LMTK2: variants seen among roughly 807,000 people sequenced by gnomAD.
LMTK2 encodes serine/threonine-protein kinase LMTK2.
LMTK2 carries 37 observed loss-of-function variants against 127.5 expected under a neutral mutation model. The ratio of observed to expected loss-of-function variants is 0.29; its 90% CI spans 0.22 to 0.38. The LOEUF (loss-of-function observed/expected upper bound fraction) is 0.38, where lower values mean the gene tolerates loss of function less well. Ranked by LOEUF, LMTK2 falls within the 10% of genes least tolerant of loss-of-function variation. The probability of loss-of-function intolerance (pLI) is 1.00; values close to 1 mark genes in which losing one functional copy is unlikely to be tolerated. For synonymous variants in LMTK2, 819 were observed against 810.1 expected, an observed-to-expected ratio of 1.01 and a Z score of -0.19; for missense variants, 1,694 against 1,920.3, an observed-to-expected ratio of 0.88 and a Z score of 2.20.
rs372035752 is a variant in LMTK2 at position 98,158,976 on chromosome 7, T to G, written c.570-362T>G. The stretch of plus-strand genomic sequence containing the variant: ...GGCCAGCTGAGGTGGCAGGATCACT[T>G]GAGCCCAGGAGTTGGAGGCTGCAGT... On this transcript the variant is annotated intron_variant, in intron 5 of 13. Transcript: ENST00000297293. Among the ~76,000 whole-genome samples, 506 of 152,304 alleles carry G rather than the reference T, an allele frequency of 3.3e-3. 1 individual carries two copies. The highest frequency in any genetic ancestry group is 0.012 in the African/African-American group (487 of 41,552).
chr7:98,109,863 G>A (rs1207340492), intron 1 of LMTK2, among the ~76,000 whole-genome samples: 3 of 151,496 alleles, frequency 2.0e-5, no homozygotes, highest in Middle Eastern at 3.2e-3. Context: ...TCTTGACCAA[G>A]ATATATTAGA....
chr7:98,199,701 G>T (rs867878573), intron 11 of LMTK2, among the ~76,000 whole-genome samples: 10 of 152,094 alleles, frequency 6.6e-5, no homozygotes, highest in African/African-American at 1.9e-4. Context: ...CACCATGTTG[G>T]CCAGGCTGGT....
At chr7:98,172,720 T>A (rs954345979) in intron 7 of LMTK2, among the ~76,000 whole-genome samples, 1 of 151,734 alleles carries the variant, frequency 6.6e-6, no homozygotes, top group Non-Finnish European at 1.5e-5. Flanking sequence ...CTGTGTGTCT[T>A]GACTTGAAGA....
At chr7:98,159,736 T>C (rs1357882519) in intron 6 of LMTK2, among the ~76,000 whole-genome samples, 1 of 151,856 alleles carries the variant, frequency 6.6e-6, no homozygotes, top group African/African-American at 2.4e-5. Context: ...GTGGATCAAG[T>C]GTGTAGCACA....
At chr7:98,166,462 T>A (rs1797102507) in intron 6 of LMTK2, among the ~76,000 whole-genome samples, 3 of 152,252 alleles carry the variant, frequency 2.0e-5, no homozygotes. Context: ...AAAATATTTT[T>A]GTACAACTGT....
Position 98,194,200 on chromosome 7 carries a change from G to A in LMTK2, c.3735G>A (p.Lys1245=), listed in dbSNP as rs1797589503. 6 of 1,614,002 alleles carry A rather than the reference G, an allele frequency of 3.7e-6. No homozygotes were observed. The highest frequency in any genetic ancestry group is 1.3e-5 in the African/African-American group (1 of 75,062). Residue 1245 remains lysine, a synonymous_variant, in exon 11 of 14, where the codon AAG becomes AAA. Transcript: ENST00000297293. This position sits in a 1 kb window ranked among gnomAD's most constrained non-coding sequence, Gnocchi z 5.4. ...CCTACACCAATTCTGCGCTGGACAAGTCCCTGTCCAGCCACTCCGAGGGCC... is the reference window on the plus strand; with the variant it reads ...CCTACACCAATTCTGCGCTGGACAAATCCCTGTCCAGCCACTCCGAGGGCC... The part of the protein sequence containing the change: ...LLAYTNSALD[K]SLSSHSEGPK...
intron 1 of LMTK2, among the ~76,000 whole-genome samples, chr7:98,108,146 G>T (rs1227112861): frequency 6.6e-6 from 1 of 152,138 alleles, no homozygotes; most frequent in African/African-American, 2.4e-5. Context: ...AGTTAGAAGA[G>T]ACCTTAAAGA....
chr7:98,165,810 T>C (rs1797088358), intron 6 of LMTK2, among the ~76,000 whole-genome samples: 1 of 151,910 alleles, frequency 6.6e-6, no homozygotes, highest in Admixed American at 6.6e-5. Context: ...TCGTTGCCCC[T>C]AAGGAGCTCA....
chr7:98,173,306 GT>G (rs34546502), intron 7 of LMTK2, among the ~76,000 whole-genome samples: 8,926 of 142,490 alleles, frequency 0.063, 597 homozygotes, highest in East Asian at 0.35. Flanking sequence ...CTGGTAAAGT[GT>G]TTTTTTTTTT....
intron 7 of LMTK2, among the ~76,000 whole-genome samples, chr7:98,175,573 A>G (rs1045697634): frequency 3.9e-5 from 6 of 152,236 alleles, no homozygotes; most frequent in African/African-American, 1.4e-4. Context: ...TGGTTTAGAA[A>G]GAGAAGGCAC....
At chr7:98,115,472 C>A (rs7800032) in intron 1 of LMTK2, among the ~76,000 whole-genome samples, 150,623 of 152,154 alleles carry the variant, frequency 0.99, 74,574 homozygotes, top group Middle Eastern at 1. Context: ...GAAGGGAGGG[C>A]GGGAGAGAGG....
Position 98,137,374 on chromosome 7 carries a change from TTAA to T in LMTK2, c.169_171del (p.Ile57del). 1.2e-6 allele frequency: 2 copies of T among 1,613,868 alleles called. No individual in the cohort carries two copies. The highest frequency in any genetic ancestry group is 1.7e-6 in the Non-Finnish European group (2 of 1,179,832). On this transcript the variant is annotated inframe_deletion, in exon 2 of 14. Transcript: ENST00000297293. The stretch of plus-strand genomic sequence containing the variant: ...TTTTGTGATCCTGTGTGTGTGCAGT[TTAA>T]TAATATTAATAGTGTTAATTGCAAA...
intron 9 of LMTK2, among the ~76,000 whole-genome samples, chr7:98,190,060 C>G (rs1018021938): frequency 1.3e-5 from 2 of 151,616 alleles, no homozygotes; most frequent in African/African-American, 2.4e-5. Flanking sequence ...GCAATTCTGC[C>G]AAATTTTTAG....
intron 3 of LMTK2, among the ~76,000 whole-genome samples, chr7:98,145,983 T>TCTC (rs1796767646): frequency 6.6e-6 from 1 of 152,236 alleles, no homozygotes; most frequent in Non-Finnish European, 1.5e-5. Context: ...TTAATTGTTT[T>TCTC]ATATGGTGTG....
chr7:98,206,963 G>C lies in LMTK2; in HGVS notation c.*1471G>C, dbSNP rs1797812828. ...ACCCTCCGTTCTGCATTAAGCCCCA[G>C]GTTCTCTTCTGGCTTTGAAAGGGCC... On this transcript the variant is annotated 3_prime_UTR_variant, in exon 14 of 14. Coordinates refer to ENST00000297293, the MANE Select transcript of LMTK2 (RefSeq NM_014916.4). The C allele has an allele frequency of 6.6e-6, 1 of 152,186 alleles. No individual in the cohort carries two copies. The highest frequency in any genetic ancestry group is 1.5e-5 in the Non-Finnish European group (1 of 68,080). The allele number at this position is 152,186 out of a possible 1,614,324, so 9.4% of individuals were successfully genotyped here.
intron 1 of LMTK2, among the ~76,000 whole-genome samples, chr7:98,108,350 A>G (rs1796148351): frequency 6.6e-6 from 1 of 152,154 alleles, no homozygotes; most frequent in African/African-American, 2.4e-5. Flanking sequence ...ATTTTGGAAT[A>G]ATGTTAATTG....
At chr7:98,114,327 C>T (rs1796247109) in intron 1 of LMTK2, among the ~76,000 whole-genome samples, 1 of 149,558 alleles carries the variant, frequency 6.7e-6, no homozygotes, top group Admixed American at 6.7e-5. Flanking sequence ...GCAGTCTCTA[C>T]TTCTTGGGCT....
chr7:98,132,086 C>A (rs1039824835), intron 1 of LMTK2, among the ~76,000 whole-genome samples: 3 of 152,112 alleles, frequency 2.0e-5, no homozygotes, highest in Non-Finnish European at 4.4e-5. Context: ...GGGAGCAAAC[C>A]GCTTTAGAGG....
rs114659804 is a variant in LMTK2 at position 98,151,989 on chromosome 7, A to G, written c.450+534A>G. On this transcript the variant is annotated intron_variant, in intron 4 of 13. Transcript: ENST00000297293. ...GATCATAACAAAGGCCTTTAAAAAA[A>G]AAGTATCTGAGACTTTTCTAATTGT... 6.6e-3 allele frequency among the ~76,000 whole-genome samples: 1,010 copies of G among 152,352 alleles called. 13 individuals are homozygous for G. Among genetic ancestry groups the G allele is most frequent in the African/African-American group, 0.023 (958 of 41,582 alleles).
Sources: gnomAD v4.1 joint callset for allele counts (sites outside exome capture counted in the v4.1 genomes callset) on GRCh38, gnomAD v4.1.1 for gene constraint, Gnocchi (gnomAD v3.1) non-coding constraint, MANE v1.5 for transcripts, NCBI Gene and HGNC (gene_info 2026-07-23, HGNC 2026-07-21) for gene names.